The following CEMIP variants were observed in gnomAD, a reference collection of about 807,000 sequenced individuals.
CEMIP encodes the protein cell migration inducing hyaluronidase 1.
CEMIP carries 105 observed loss-of-function variants against 156.9 expected under a neutral mutation model. That is an observed-to-expected ratio of 0.67 (90% confidence interval 0.57 to 0.79). CEMIP has a LOEUF of 0.79. CEMIP is among the 30% of genes least tolerant of loss of function. CEMIP has a pLI of 0.00. For missense variants in CEMIP, 1,457 were observed against 1,769.4 expected (o/e 0.82, Z 3.17); for synonymous variants, 676 against 668.4 (o/e 1.01, Z -0.17).
chr15:80,891,273 T>G (rs991789), intron 10 of CEMIP, among the ~76,000 whole-genome samples: 20,506 of 152,200 alleles, frequency 0.13, 1,543 homozygotes, highest in Non-Finnish European at 0.17. Context: ...ACAGCATTCC[T>G]TAGACATTCC....
intron 25 of CEMIP, among the ~76,000 whole-genome samples, chr15:80,940,917 CACA>C (rs958246155): frequency 1.1e-4 from 16 of 152,238 alleles, no homozygotes; most frequent in African/African-American, 2.7e-4. Context: ...AGGCATGGGG[CACA>C]ACAAGGTTGT....
At chr15:80,933,804 C>T (rs1234654350) in intron 23 of CEMIP, among the ~76,000 whole-genome samples, 10 of 152,124 alleles carry the variant, frequency 6.6e-5, no homozygotes, top group South Asian at 2.1e-4. Context: ...ACTTTCCTAG[C>T]GAGATTTTGG....
At chr15:80,865,178 A>G (rs556312160) in intron 1 of CEMIP, among the ~76,000 whole-genome samples, 1 of 151,984 alleles carries the variant, frequency 6.6e-6, no homozygotes, top group Non-Finnish European at 1.5e-5. Context: ...TAAATTTTTT[A>G]TTTTTTTATT....
chr15:80,938,475 C>T (rs939518037), intron 25 of CEMIP, among the ~76,000 whole-genome samples: 4 of 152,092 alleles, frequency 2.6e-5, no homozygotes, highest in Non-Finnish European at 2.9e-5. Flanking sequence ...CATGGTGGCG[C>T]GTGCCTGTAA....
At chr15:80,900,618 GTGTGT>G (rs1567090818) in intron 12 of CEMIP, among the ~76,000 whole-genome samples, 5 of 144,890 alleles carry the variant, frequency 3.5e-5, no homozygotes, top group African/African-American at 1.3e-4. Flanking sequence ...GTGTGTGTGT[GTGTGT>G]GTGTGTGTGT....
At chr15:80,896,083 C>T (rs1488447584) in intron 12 of CEMIP, 23 bp downstream of exon 12, 1 of 1,609,694 alleles carries the variant, frequency 6.2e-7, no homozygotes, top group Non-Finnish European at 8.5e-7. Flanking sequence ...CTAATCCCTT[C>T]CTAGACTGGA....
chr15:80,931,233 G>GA (rs1900899554), intron 21 of CEMIP, among the ~76,000 whole-genome samples: 1 of 152,170 alleles, frequency 6.6e-6, no homozygotes, highest in Non-Finnish European at 1.5e-5. Flanking sequence ...TAGGGGTGCT[G>GA]AAAATGTTGC....
intron 1 of CEMIP, among the ~76,000 whole-genome samples, chr15:80,813,189 A>G (rs991032959): frequency 2.0e-5 from 3 of 152,132 alleles, no homozygotes; most frequent in African/African-American, 7.2e-5. Context: ...GGGTTGATAA[A>G]ATGGGAGCAA....
At chr15:80,847,308 C>G (rs554688931) in intron 1 of CEMIP, among the ~76,000 whole-genome samples, 3 of 152,300 alleles carry the variant, frequency 2.0e-5, no homozygotes, top group Non-Finnish European at 2.9e-5. Flanking sequence ...CTTGGCCTCC[C>G]AAAGTGTTGA....
chr15:80,873,889 G>T lies in CEMIP; in HGVS notation c.10G>T (p.Ala4Ser). 6.3e-7 allele frequency: 1 copy of T among 1,578,376 alleles called. No homozygotes were observed. The highest frequency in any genetic ancestry group is 8.6e-7 in the Non-Finnish European group (1 of 1,160,372). The change falls in exon 3 of 30, where the codon GCT becomes TCT. Residue 4 changes from alanine (A) to serine (S), a missense_variant. By Grantham distance (99) the Ala-to-Ser change is moderately conservative. Transcript: ENST00000394685. MGA[A>S]GRQDFLFKAM... ...GGAGCACACTGCCAGGATGGGAGCT[G>T]CTGGGAGGCAGGACTTCCTCTTCAA...
At position 80,932,518 on chromosome 15, in the gene CEMIP, G is replaced by A. The variant is rs764876800; in HGVS notation, c.2793+479G>A. On this transcript the variant is annotated intron_variant, in intron 22 of 29. Transcript: ENST00000394685. The surrounding 1 kb of genome is among the most constrained non-coding windows in gnomAD (Gnocchi z 4.5). ...TAGACAGAGAAGGCAGAAGAGGGGC[G>A]GAGGATTAGGAGATCAGGAGCAAGG... Among the ~76,000 whole-genome samples, 9 of 152,134 alleles carry A rather than the reference G, an allele frequency of 5.9e-5. No individual in the cohort carries two copies. The highest frequency in any genetic ancestry group is 4.2e-4 in the South Asian group (2 of 4,816).
chr15:80,850,776 C>T (rs937813750), intron 1 of CEMIP, among the ~76,000 whole-genome samples: 3 of 152,188 alleles, frequency 2.0e-5, no homozygotes, highest in Non-Finnish European at 2.9e-5. Flanking sequence ...CCTTACTCAT[C>T]AGGGCTCTGG....
intron 1 of CEMIP, among the ~76,000 whole-genome samples, chr15:80,815,713 C>A (rs778639158): frequency 1.3e-5 from 2 of 151,990 alleles, no homozygotes; most frequent in Non-Finnish European, 2.9e-5. Context: ...AATTAAAGAT[C>A]ATGTTTTATT....
At chr15:80,871,273 C>T (rs551241424) in intron 1 of CEMIP, among the ~76,000 whole-genome samples, 1 of 152,214 alleles carries the variant, frequency 6.6e-6, no homozygotes, top group African/African-American at 2.4e-5. Context: ...TGGGATTAGC[C>T]TCTTTGGGCA....
intron 10 of CEMIP, among the ~76,000 whole-genome samples, chr15:80,893,337 T>C (rs566470670): frequency 1.3e-5 from 2 of 152,262 alleles, no homozygotes; most frequent in South Asian, 2.1e-4. Context: ...TGAATGATGA[T>C]GGATTCCTTT....
intron 1 of CEMIP, among the ~76,000 whole-genome samples, chr15:80,799,088 A>C (rs1896306009): frequency 6.6e-6 from 1 of 152,250 alleles, no homozygotes; most frequent in Admixed American, 6.5e-5. Context: ...GAATGAGATA[A>C]AGCTAGCACA....
At chr15:80,814,903 T>C (rs1281284511) in intron 1 of CEMIP, among the ~76,000 whole-genome samples, 1 of 152,138 alleles carries the variant, frequency 6.6e-6, no homozygotes, top group African/African-American at 2.4e-5. Flanking sequence ...GGCCAGCTGG[T>C]CTCGAACTCC....
chr15:80,876,651 C>T (rs1018908760), intron 3 of CEMIP, among the ~76,000 whole-genome samples: 3 of 152,336 alleles, frequency 2.0e-5, no homozygotes, highest in Admixed American at 6.5e-5. Flanking sequence ...ACACTAAGTG[C>T]CTGCACTCTG....
chr15:80,829,505 G>A (rs912241151), intron 1 of CEMIP, among the ~76,000 whole-genome samples: 10 of 152,106 alleles, frequency 6.6e-5, no homozygotes, highest in African/African-American at 1.9e-4. Flanking sequence ...CTTCTGGACC[G>A]CCCTGCCATG....
Sources: gnomAD v4.1 joint callset for allele counts (sites outside exome capture counted in the v4.1 genomes callset) on GRCh38, gnomAD v4.1.1 for gene constraint, Gnocchi (gnomAD v3.1) non-coding constraint, MANE v1.5 for transcripts, NCBI Gene and HGNC (gene_info 2026-07-23, HGNC 2026-07-21) for gene names.